NT5M: variants seen among roughly 807,000 people sequenced by gnomAD.
NT5M encodes the protein 5'(3')-deoxyribonucleotidase, mitochondrial.
In NT5M, 22 loss-of-function variants were observed where a neutral mutation model predicts 22.2. The observed-to-expected ratio is 0.99, with a 90% confidence interval of 0.71 to 1.41. The LOEUF (loss-of-function observed/expected upper bound fraction) is 1.41, where lower values mean the gene tolerates loss of function less well. Ranked by LOEUF, NT5M falls within the 40% of genes most tolerant of loss-of-function variation. The pLI, the probability that NT5M is intolerant of heterozygous loss-of-function variation, is 0.00. For synonymous variants in NT5M, 167 were observed against 133.0 expected, an observed-to-expected ratio of 1.26 and a Z score of -1.76; for missense variants, 322 against 314.8, an observed-to-expected ratio of 1.02 and a Z score of -0.17.
intron 3 of NT5M, among the ~76,000 whole-genome samples, chr17:17,330,895 A>G (rs540341652): frequency 2.6e-5 from 4 of 151,716 alleles, no homozygotes; most frequent in South Asian, 2.1e-4. Flanking sequence ...GGCACATGCT[A>G]CCACACCTGT....
intron 2 of NT5M, among the ~76,000 whole-genome samples, chr17:17,319,935 T>C (rs7211790): frequency 0.93 from 141,815 of 152,254 alleles, 66,133 homozygotes; most frequent in East Asian, 1. Context: ...CTCCGCCTTT[T>C]GGATTCAAGT....
At chr17:17,345,061 C>G (rs1293048804) in intron 4 of NT5M, 153 bp downstream of exon 4, 7 of 1,230,138 alleles carry the variant, frequency 5.7e-6, no homozygotes, top group African/African-American at 1.5e-5. Flanking sequence ...AGACAAGGCC[C>G]CCTCTGTATG....
chr17:17,305,878 C>T (rs2048790807), intron 1 of NT5M, among the ~76,000 whole-genome samples: 1 of 152,130 alleles, frequency 6.6e-6, no homozygotes. Context: ...TGCTGTTTTG[C>T]TGTGTGACAT....
intron 3 of NT5M, among the ~76,000 whole-genome samples, chr17:17,336,658 C>G (rs752504409): frequency 2.0e-5 from 3 of 151,216 alleles, no homozygotes; most frequent in African/African-American, 4.9e-5. Context: ...TCAAGTGATT[C>G]TCCTGCCTCA....
At chr17:17,305,082 T>C (rs2048765235) in intron 1 of NT5M, among the ~76,000 whole-genome samples, 1 of 152,106 alleles carries the variant, frequency 6.6e-6, no homozygotes, top group African/African-American at 2.4e-5. Context: ...CGAGTGTTCA[T>C]TTATAGGCAG....
At chr17:17,345,145 G>A in intron 4 of NT5M, 1 of 1,044,012 alleles carries the variant, frequency 9.6e-7, no homozygotes, top group South Asian at 2.3e-5. Context: ...GGGTGGCCTT[G>A]GGGAAGTCCC....
At chr17:17,311,141 C>T (rs948877014) in intron 2 of NT5M, among the ~76,000 whole-genome samples, 32 of 152,106 alleles carry the variant, frequency 2.1e-4, no homozygotes, top group Non-Finnish European at 5.9e-5. Flanking sequence ...TCGAGACCAT[C>T]CTGGCTAACA....
intron 4 of NT5M, 61 bp from the exon 5 acceptor site, chr17:17,346,744 C>T (rs1360839605): frequency 1.3e-6 from 2 of 1,596,542 alleles, no homozygotes; most frequent in Non-Finnish European, 1.7e-6. Context: ...CAGGTTTCCA[C>T]CCTAGGCGGC....
In NT5M at chr17:17,338,986, C is replaced by T. The variant is rs188774105; in HGVS notation, c.430-5808C>T. On this transcript the variant is annotated intron_variant, in intron 3 of 4. Transcript: ENST00000389022. ...TCGTGATCTGCCTGCCTCGGCCTCC[C>T]GAAGTGCTAGGATTACAGGCGTGAG... Among the ~76,000 whole-genome samples the T allele has an allele frequency of 2.2e-3, 330 of 152,164 alleles. 3 individuals are homozygous for T. Among genetic ancestry groups the T allele is most frequent in the African/African-American group, 7.4e-3 (307 of 41,514 alleles).
At chr17:17,317,326 G>A (rs2049053585) in intron 2 of NT5M, among the ~76,000 whole-genome samples, 1 of 152,206 alleles carries the variant, frequency 6.6e-6, no homozygotes, top group Admixed American at 6.5e-5. Context: ...TGGGATTACA[G>A]GCGTGAGCCA....
intron 1 of NT5M, 83 bp downstream of exon 1, chr17:17,303,900 C>T (rs745552622): frequency 5.4e-6 from 7 of 1,308,172 alleles, no homozygotes; most frequent in African/African-American, 3.1e-5. Flanking sequence ...TGACCTTGGA[C>T]GGTCAGCGCC....
chr17:17,312,492 A>G (rs2048939721), intron 2 of NT5M, among the ~76,000 whole-genome samples: 1 of 151,666 alleles, frequency 6.6e-6, no homozygotes, highest in Non-Finnish European at 1.5e-5. Flanking sequence ...AAATACAAAC[A>G]AATTAGCCAG....
At chr17:17,324,238 C>A (rs1050859302) in intron 3 of NT5M, among the ~76,000 whole-genome samples, 13 of 151,268 alleles carry the variant, frequency 8.6e-5, no homozygotes, top group African/African-American at 3.1e-4. Flanking sequence ...AATCCCAGAA[C>A]TCTGGGAGGC....
intron 1 of NT5M, among the ~76,000 whole-genome samples, chr17:17,304,165 C>T (rs891007758): frequency 2.0e-5 from 3 of 152,194 alleles, no homozygotes; most frequent in Non-Finnish European, 2.9e-5. Flanking sequence ...TCTTTCACCC[C>T]GACCGCAGTC....
At chr17:17,345,239 A>AT (rs1232261036) in intron 4 of NT5M, 49 of 1,108,098 alleles carry the variant, frequency 4.4e-5, no homozygotes, top group Non-Finnish European at 5.4e-5. Context: ...AACAAAACCC[A>AT]TTTTTTCCCC....
chr17:17,341,279 T>C (rs188378621), intron 3 of NT5M, among the ~76,000 whole-genome samples: 2 of 152,338 alleles, frequency 1.3e-5, no homozygotes, highest in Admixed American at 1.3e-4. Context: ...TAATTACATT[T>C]ATTTAGTACG....
intron 3 of NT5M, among the ~76,000 whole-genome samples, chr17:17,343,383 C>T (rs897727391): frequency 2.6e-5 from 4 of 152,126 alleles, no homozygotes; most frequent in African/African-American, 7.2e-5. Context: ...CGTGGGTGGG[C>T]GTGGCAAGCG....
intron 2 of NT5M, among the ~76,000 whole-genome samples, chr17:17,314,348 T>C (rs2048979959): frequency 6.6e-6 from 1 of 152,146 alleles, no homozygotes; most frequent in African/African-American, 2.4e-5. Flanking sequence ...TATATTCTTA[T>C]AAAAGACTCC....
At chr17:17,304,698 A>G (rs756238858) in intron 1 of NT5M, among the ~76,000 whole-genome samples, 15 of 152,202 alleles carry the variant, frequency 9.9e-5, no homozygotes, top group Non-Finnish European at 1.3e-4. Context: ...TGTTTTCCAG[A>G]TGAGGAAACT....
Sources: allele counts gnomAD v4.1 joint callset (sites outside exome capture counted in the v4.1 genomes callset), GRCh38; gene constraint gnomAD v4.1.1; transcripts MANE v1.5; gene names NCBI Gene and HGNC (gene_info 2026-07-23, HGNC 2026-07-21).